The following GPM6B variants were observed in gnomAD, a reference collection of about 807,000 sequenced individuals.
GPM6B encodes glycoprotein M6B, also known as neuronal membrane glycoprotein M6-b.
In GPM6B, 4 loss-of-function variants were observed where a neutral mutation model predicts 27.2. The observed-to-expected ratio is 0.15, with a 90% confidence interval of 0.07 to 0.34. GPM6B has a LOEUF of 0.34. GPM6B is among the 10% of genes least tolerant of loss of function. The pLI, the probability that GPM6B is intolerant of heterozygous loss-of-function variation, is 1.00. For missense variants in GPM6B, 183 were observed against 261.9 expected (o/e 0.70, Z 2.08); for synonymous variants, 124 against 103.1 (o/e 1.20, Z -1.23).
At chrX:13,897,156 G>A (rs1370156770) in intron 1 of GPM6B, among the ~76,000 whole-genome samples, 1 of 112,269 alleles carries the variant, frequency 8.9e-6, no homozygotes, top group Non-Finnish European at 1.9e-5. Flanking sequence ...CACTGGCCTT[G>A]AGATTTGTTA....
chrX:13,773,802 C>T (rs1440451922), intron 7 of GPM6B: 1 of 160,845 alleles, frequency 6.2e-6, no homozygotes, highest in African/African-American at 3.2e-5. Context: ...ATTTTCTCTT[C>T]CCGTTAAAAT....
intron 1 of GPM6B, among the ~76,000 whole-genome samples, chrX:13,909,625 T>C (rs1044344973): frequency 9.0e-6 from 1 of 111,387 alleles, no homozygotes; most frequent in Admixed American, 9.6e-5. Context: ...CCAGGTATTA[T>C]AGTCACAGTT....
At chrX:13,871,439 C>T (rs952711672) in intron 1 of GPM6B, among the ~76,000 whole-genome samples, 7 of 112,208 alleles carry the variant, frequency 6.2e-5, no homozygotes, top group African/African-American at 2.3e-4. Flanking sequence ...GCATCTGACA[C>T]ATTTTTAAAC....
At chrX:13,773,124 C>G in intron 7 of GPM6B, 94 bp from the exon 8 acceptor site, 1 of 758,499 alleles carries the variant, frequency 1.3e-6, no homozygotes, top group South Asian at 2.7e-5. Context: ...TTTAAAGGGG[C>G]GAAGGTTAAT....
chrX:13,858,053 T>A (rs948076378), intron 1 of GPM6B, among the ~76,000 whole-genome samples: 1 of 112,471 alleles, frequency 8.9e-6, no homozygotes, highest in African/African-American at 3.2e-5. Context: ...TGTGTATATA[T>A]CAGACAAGTT....
chrX:13,876,673 A>G (rs1350463530), intron 1 of GPM6B, among the ~76,000 whole-genome samples: 1 of 111,031 alleles, frequency 9.0e-6, no homozygotes, highest in Non-Finnish European at 1.9e-5. Context: ...GCTGACTCTG[A>G]AGGCAGAAGG....
rs187363498 is a variant in GPM6B, at chrX:13,771,913, A to G, written c.*968T>C. The G allele has an allele frequency of 8.9e-6, 1 of 112,596 alleles. No homozygotes were observed. Among genetic ancestry groups the G allele is most frequent in the Admixed American group, 9.4e-5 (1 of 10,586 alleles). 9.3% of individuals were successfully genotyped at this position (112,596 alleles called of 1,213,427 possible). ...AGTAGGAGGTTAGAGGTCTGTGGTC[A>G]ATTTGCAATTAGGTTTTAGATAGTT... On this transcript the variant is annotated 3_prime_UTR_variant, in exon 8 of 8. Coordinates refer to ENST00000316715, the MANE Select transcript of GPM6B (RefSeq NM_001001995.3).
intron 1 of GPM6B, among the ~76,000 whole-genome samples, chrX:13,840,814 A>ATG (rs112311117): frequency 0.11 from 12,286 of 110,739 alleles, 1,061 homozygotes; most frequent in African/African-American, 0.28. Context: ...AGACACACAA[A>ATG]TGTGTGTGTG....
chrX:13,806,906 A>G (rs1489673272), intron 2 of GPM6B, among the ~76,000 whole-genome samples: 1 of 112,048 alleles, frequency 8.9e-6, no homozygotes, highest in Admixed American at 9.5e-5. Context: ...ACTGAGTTTT[A>G]GCTAACTGAG....
intron 2 of GPM6B, among the ~76,000 whole-genome samples, chrX:13,791,097 T>TTCA (rs1257593707): frequency 3.6e-5 from 4 of 112,309 alleles, no homozygotes; most frequent in Non-Finnish European, 7.5e-5. Context: ...TTTCCCAAGC[T>TTCA]TCAAACCAGC....
chrX:13,857,057 C>G (rs750549798), intron 1 of GPM6B, among the ~76,000 whole-genome samples: 2 of 111,347 alleles, frequency 1.8e-5, no homozygotes, highest in Non-Finnish European at 3.8e-5. Context: ...CGATCTTTAT[C>G]TTTCTAATCT....
chrX:13,872,635 C>T (rs2049991184), intron 1 of GPM6B, among the ~76,000 whole-genome samples: 1 of 106,529 alleles, frequency 9.4e-6, no homozygotes, highest in African/African-American at 3.4e-5. Context: ...GCACACAGAG[C>T]GGACGAGATG....
chrX:13,813,129 C>A (rs1167127495), intron 1 of GPM6B, among the ~76,000 whole-genome samples: 3 of 111,166 alleles, frequency 2.7e-5, no homozygotes, highest in African/African-American at 9.8e-5. Context: ...TTTCAAAATG[C>A]AATAATTCGC....
intron 1 of GPM6B, among the ~76,000 whole-genome samples, chrX:13,841,840 A>G (rs7055053): frequency 0.098 from 10,811 of 110,679 alleles, 1,122 homozygotes; most frequent in African/African-American, 0.31. Context: ...TGCCATGCTC[A>G]CCCACCATGT....
intron 1 of GPM6B, among the ~76,000 whole-genome samples, chrX:13,868,254 A>T (rs2049940441): frequency 9.0e-6 from 1 of 111,400 alleles, no homozygotes; most frequent in African/African-American, 3.3e-5. Context: ...AAATGACGGG[A>T]GGAAATGCTT....
At chrX:13,819,465 A>C (rs183238282), upstream of GPM6B, among the ~76,000 whole-genome samples, 26 of 112,468 alleles carry the variant, frequency 2.3e-4, no homozygotes, top group African/African-American at 7.1e-4. Context: ...CCCATGCTCT[A>C]AGGCAGTCTG....
chrX:13,863,394 T>C (rs1210227288), intron 1 of GPM6B, among the ~76,000 whole-genome samples: 1 of 111,615 alleles, frequency 9.0e-6, no homozygotes, highest in Non-Finnish European at 1.9e-5. Flanking sequence ...ATAAAAATGG[T>C]AGATGACAAT....
chrX:13,797,414 CAGA>C (rs1042641240), intron 2 of GPM6B, among the ~76,000 whole-genome samples: 4 of 111,483 alleles, frequency 3.6e-5, no homozygotes, highest in African/African-American at 9.8e-5. Flanking sequence ...CCTTGAAGAA[CAGA>C]AGGATTCCAT....
chrX:13,793,347 T>C (rs2048749464), intron 2 of GPM6B, among the ~76,000 whole-genome samples: 1 of 111,607 alleles, frequency 9.0e-6, no homozygotes, highest in Non-Finnish European at 1.9e-5. Flanking sequence ...CTCACAGGTA[T>C]TGATTGATGT....
Sources: allele counts gnomAD v4.1 joint callset (sites outside exome capture counted in the v4.1 genomes callset), GRCh38; gene constraint gnomAD v4.1.1; transcripts MANE v1.5; gene names NCBI Gene and HGNC (gene_info 2026-07-23, HGNC 2026-07-21).